The following PTPRG variants were observed in gnomAD, a reference collection of about 807,000 sequenced individuals.
The protein encoded by PTPRG is protein tyrosine phosphatase receptor type G.
PTPRG carries 102 observed loss-of-function variants against 165.3 expected under a neutral mutation model. That is an observed-to-expected ratio of 0.62 (90% CI 0.53 to 0.73). The LOEUF is 0.73. PTPRG is among the 30% of genes least tolerant of loss of function. The pLI is 0.00. For missense variants in PTPRG, 1,866 were observed against 1,861.4 expected, an observed-to-expected ratio of 1.00 and a Z score of -0.05; for synonymous variants, 675 against 669.5, an observed-to-expected ratio of 1.01 and a Z score of -0.13.
chr3:62,236,817 G>A (rs189778694), intron 14 of PTPRG, among the ~76,000 whole-genome samples: 2 of 152,176 alleles, frequency 1.3e-5, no homozygotes, highest in African/African-American at 4.8e-5. Context: ...TCATGATGTT[G>A]TTCAGGGCAG....
chr3:62,239,360 C>CTTTTTTTTTTTTTTTTTTTT (rs776921598), intron 14 of PTPRG, among the ~76,000 whole-genome samples: 8 of 124,538 alleles, frequency 6.4e-5, no homozygotes, highest in African/African-American at 9.2e-5. Flanking sequence ...TTTTTTCTTT[C>CTTTTTTTTTTTTTTTTTTTT]TTTTTTTTTT....
intron 7 of PTPRG, among the ~76,000 whole-genome samples, chr3:62,161,106 T>C (rs1479830566): frequency 2.0e-4 from 30 of 152,082 alleles, no homozygotes; most frequent in Admixed American, 2.0e-3. Flanking sequence ...ATCATGATGA[T>C]AATACTCCCC....
chr3:61,758,314 G>A (rs1032553631), intron 2 of PTPRG, among the ~76,000 whole-genome samples: 18 of 152,258 alleles, frequency 1.2e-4, no homozygotes, highest in African/African-American at 4.1e-4. Context: ...GATATAAAAC[G>A]GGGACTTTCT....
At chr3:61,765,070 A>G (rs1215369773) in intron 2 of PTPRG, among the ~76,000 whole-genome samples, 1 of 152,238 alleles carries the variant, frequency 6.6e-6, no homozygotes, top group Non-Finnish European at 1.5e-5. Flanking sequence ...GTTGGTCTCC[A>G]TGCTGCTGTG....
At chr3:61,651,256 A>T (rs1307178044) in intron 1 of PTPRG, among the ~76,000 whole-genome samples, 1 of 151,956 alleles carries the variant, frequency 6.6e-6, no homozygotes, top group Non-Finnish European at 1.5e-5. Flanking sequence ...GGTTTAGTTG[A>T]TTAAGTTCTT....
At chr3:62,274,218 T>A (rs1030925703) in intron 23 of PTPRG, among the ~76,000 whole-genome samples, 11 of 152,170 alleles carry the variant, frequency 7.2e-5, no homozygotes, top group African/African-American at 2.7e-4. Flanking sequence ...AGACATATTG[T>A]CCTAAAAATA....
chr3:62,101,863 A>G (rs62243352), intron 5 of PTPRG, among the ~76,000 whole-genome samples: 45,572 of 152,054 alleles, frequency 0.3, 7,159 homozygotes, highest in East Asian at 0.51. Context: ...TTGCACTCCC[A>G]TCAAGTATGT....
chr3:61,965,927 A>G (rs1263379467), intron 2 of PTPRG, among the ~76,000 whole-genome samples: 1 of 152,134 alleles, frequency 6.6e-6, no homozygotes, highest in Non-Finnish European at 1.5e-5. Context: ...TCTTTATTGA[A>G]CTTGTCATCT....
intron 4 of PTPRG, among the ~76,000 whole-genome samples, chr3:62,018,172 C>A (rs1261718395): frequency 6.6e-6 from 1 of 152,186 alleles, no homozygotes; most frequent in East Asian, 1.9e-4. Flanking sequence ...CCTCATAGAA[C>A]CTGAGAGACC....
At chr3:61,993,967 T>C (rs2040959054) in intron 3 of PTPRG, among the ~76,000 whole-genome samples, 1 of 152,224 alleles carries the variant, frequency 6.6e-6, no homozygotes, top group South Asian at 2.1e-4. Context: ...ATATATCCTA[T>C]CCAGCATAAT....
chr3:61,975,733 G>A (rs921605353), intron 2 of PTPRG, among the ~76,000 whole-genome samples: 4 of 151,756 alleles, frequency 2.6e-5, no homozygotes, highest in African/African-American at 9.7e-5. Context: ...AACTCTCACA[G>A]TTGCATGTGT....
chr3:61,654,851 G>C (rs1450865863), intron 1 of PTPRG, among the ~76,000 whole-genome samples: 1 of 143,292 alleles, frequency 7.0e-6, no homozygotes, highest in African/African-American at 2.6e-5. Flanking sequence ...GTGCAATCTC[G>C]GCTCACTGCA....
intron 4 of PTPRG, among the ~76,000 whole-genome samples, chr3:62,028,930 T>A (rs1408445728): frequency 2.6e-5 from 4 of 152,210 alleles, no homozygotes; most frequent in African/African-American, 4.8e-5. Context: ...TGAGAGTCCT[T>A]TGGCCTAATG....
At chr3:61,859,235 A>G (rs2037194319) in intron 2 of PTPRG, among the ~76,000 whole-genome samples, 1 of 152,140 alleles carries the variant, frequency 6.6e-6, no homozygotes, top group African/African-American at 2.4e-5. Flanking sequence ...TTCATTGGTC[A>G]TTTATTACAA....
At chr3:62,127,780 A>G (rs1281082823) in intron 5 of PTPRG, among the ~76,000 whole-genome samples, 2 of 152,192 alleles carry the variant, frequency 1.3e-5, no homozygotes, top group Non-Finnish European at 2.9e-5. Context: ...ATGGCAGCAC[A>G]TATCTGAACG....
At chr3:61,844,039 C>A (rs2036732334) in intron 2 of PTPRG, among the ~76,000 whole-genome samples, 1 of 149,642 alleles carries the variant, frequency 6.7e-6, no homozygotes. Flanking sequence ...TCTCGTCTCA[C>A]TGCAAATTCC....
intron 9 of PTPRG, 120 bp from the exon 10 acceptor site, chr3:62,194,942 G>A: frequency 1.1e-6 from 1 of 902,806 alleles, no homozygotes; most frequent in South Asian, 1.5e-5. Context: ...TGAGCCTTTG[G>A]TCAGCAGGGA....
At chr3:62,104,503 T>C (rs1185966350) in intron 5 of PTPRG, among the ~76,000 whole-genome samples, 1 of 152,246 alleles carries the variant, frequency 6.6e-6, no homozygotes, top group Non-Finnish European at 1.5e-5. Flanking sequence ...ATCTTGACTT[T>C]ATTTATTTGC....
intron 4 of PTPRG, among the ~76,000 whole-genome samples, chr3:62,065,456 A>G (rs1392433431): frequency 6.6e-6 from 1 of 152,180 alleles, no homozygotes; most frequent in East Asian, 1.9e-4. Context: ...GAATACATGT[A>G]CCACCTTTGG....
Sources: allele counts gnomAD v4.1 joint callset (sites outside exome capture counted in the v4.1 genomes callset), GRCh38; gene constraint gnomAD v4.1.1; transcripts MANE v1.5; gene names NCBI Gene and HGNC (gene_info 2026-07-23, HGNC 2026-07-21).